HSP90AA1: variants seen among roughly 807,000 people sequenced by gnomAD.
HSP90AA1 encodes heat shock protein HSP 90-alpha.
A neutral mutation model predicts 73.3 loss-of-function variants in HSP90AA1; 18 were observed. The ratio of observed to expected loss-of-function variants is 0.25; its 90% CI spans 0.17 to 0.36. HSP90AA1 has a LOEUF of 0.36. Ranked by LOEUF, HSP90AA1 falls within the 10% of genes least tolerant of loss-of-function variation. HSP90AA1 has a pLI of 1.00. For synonymous variants in HSP90AA1, 477 were observed against 296.9 expected, an observed-to-expected ratio of 1.61 and a Z score of -6.24; for missense variants, 704 against 874.2, an observed-to-expected ratio of 0.81 and a Z score of 2.45.
exon 1 of HSP90AA1, chr14:102,139,505 A>AG: frequency 1.6e-6 from 2 of 1,278,660 alleles, no homozygotes; most frequent in Non-Finnish European, 2.1e-6. Context: ...CCCTCAGGGC[A>AG]GGGCGGGAGA....
upstream of HSP90AA1, among the ~76,000 whole-genome samples, chr14:102,090,659 G>A (rs1393937071): frequency 1.3e-5 from 2 of 152,144 alleles, no homozygotes; most frequent in East Asian, 3.8e-4. Context: ...CACCGTGTTA[G>A]CCAGGATGGT....
At chr14:102,137,939 T>A (rs7160254) in intron 1 of HSP90AA1, among the ~76,000 whole-genome samples, 261 of 151,312 alleles carry the variant, frequency 1.7e-3, no homozygotes, top group African/African-American at 6.2e-3. Context: ...CGCTTGAACC[T>A]GGGAGGCAGA....
intron 1 of HSP90AA1, among the ~76,000 whole-genome samples, chr14:102,124,340 C>T (rs567729298): frequency 4.0e-5 from 6 of 150,206 alleles, no homozygotes; most frequent in South Asian, 4.2e-4. Context: ...TACAGGTGCT[C>T]GCCACCATGC....
At position 102,084,754 on chromosome 14, in the gene HSP90AA1, T is replaced by C. The variant is rs2152611598; in HGVS notation, c.908A>G (p.Asp303Gly). Reference sequence around the variant, plus strand: ...TTCTCCGTACTCCTCATTAGTAATATCGTCGGGATTTCTGGTCCAGATGGG... The same window carrying C: ...TTCTCCGTACTCCTCATTAGTAATACCGTCGGGATTTCTGGTCCAGATGGG... ...TKPIWTRNPD[D>G]ITNEEYGEFY... is the part of the protein sequence containing the mutation. The change falls in exon 5 of 11, where the codon GAT becomes GGT. Residue 303 changes from aspartate to glycine, a missense_variant. Physicochemically the swap from Asp to Gly is moderately conservative, Grantham distance 94. Coordinates refer to ENST00000216281, the MANE Select transcript of HSP90AA1 (RefSeq NM_005348.4). The C allele has an allele frequency of 6.2e-7, 1 of 1,614,194 alleles. No homozygotes were observed. Among genetic ancestry groups the C allele is most frequent in the Non-Finnish European group, 8.5e-7 (1 of 1,180,036 alleles).
intron 1 of HSP90AA1, among the ~76,000 whole-genome samples, chr14:102,137,923 G>A (rs2050039007): frequency 6.6e-6 from 1 of 151,648 alleles, no homozygotes; most frequent in African/African-American, 2.4e-5. Flanking sequence ...GCTGAAGCAG[G>A]AGAATCGCTT....
chr14:102,107,468 G>A (rs1048675323), intron 1 of HSP90AA1, among the ~76,000 whole-genome samples: 1 of 151,938 alleles, frequency 6.6e-6, no homozygotes, highest in Admixed American at 6.6e-5. Flanking sequence ...GGGACTACAG[G>A]TGCACGCCAC....
chr14:102,083,514 A>T lies in HSP90AA1; in HGVS notation c.1486+32T>A, dbSNP rs189404188. On this transcript the variant is annotated intron_variant, in intron 8 of 10. Coordinates refer to ENST00000216281, the MANE Select transcript of HSP90AA1 (RefSeq NM_005348.4). The stretch of plus-strand genomic sequence containing the variant: ...CAGAGCCTACAAGATTGTAAGAACG[A>T]CGTGTATGACTGTAACATAGTGTTC... 4.4e-5 allele frequency: 70 copies of T among 1,605,478 alleles called. No homozygotes were observed. In the East Asian group the frequency reaches 1.4e-3, roughly 33 times the overall value.
At chr14:102,137,075 G>A (rs1186314282) in intron 1 of HSP90AA1, among the ~76,000 whole-genome samples, 4 of 151,862 alleles carry the variant, frequency 2.6e-5, no homozygotes, top group Admixed American at 1.3e-4. Context: ...TTAGCTGGGT[G>A]TGGTGGCATG....
chr14:102,090,663 G>A (rs2049345024), upstream of HSP90AA1, among the ~76,000 whole-genome samples: 1 of 152,182 alleles, frequency 6.6e-6, no homozygotes. Context: ...GTGTTAGCCA[G>A]GATGGTCTTG....
At chr14:102,113,733 C>T (rs572035237) in intron 1 of HSP90AA1, among the ~76,000 whole-genome samples, 92 of 151,632 alleles carry the variant, frequency 6.1e-4, no homozygotes, top group Middle Eastern at 3.4e-3. Context: ...TATTTTGAGA[C>T]GGAGTCTCGC....
intron 1 of HSP90AA1, among the ~76,000 whole-genome samples, chr14:102,133,698 GT>G (rs1166275568): frequency 1.3e-5 from 2 of 151,944 alleles, no homozygotes; most frequent in Non-Finnish European, 2.9e-5. Flanking sequence ...AGTCAGGCTG[GT>G]CTCGAACTCC....
rs765698481 is a variant in HSP90AA1 at position 102,082,452 on chromosome 14, CAA to C, written c.1756-10_1756-9del. On this transcript the variant is annotated splice_polypyrimidine_tract_variant and intron_variant, in intron 9 of 10. Transcript: ENST00000216281. ...TCGGTTTGACACAACCACCTGTAAT[CAA>C]AAAGTGATGACTAGGAACCTAGAAA... The C allele has an allele frequency of 4.4e-6, 7 of 1,605,282 alleles. No homozygotes were observed. The highest frequency in any genetic ancestry group is 6.0e-6 in the Non-Finnish European group (7 of 1,175,700).
intron 1 of HSP90AA1, among the ~76,000 whole-genome samples, chr14:102,125,551 G>A (rs1271379531): frequency 6.6e-6 from 1 of 152,124 alleles, no homozygotes; most frequent in Admixed American, 6.6e-5. Flanking sequence ...TTACCTGAAA[G>A]CCAAATACAT....
intron 4 of HSP90AA1, 29 bp from the exon 5 acceptor site, chr14:102,085,027 C>T: frequency 6.2e-7 from 1 of 1,613,936 alleles, no homozygotes; most frequent in Non-Finnish European, 8.5e-7. Context: ...AATCACATCA[C>T]TGCTGCACTC....
At chr14:102,135,551 G>C (rs1372663532) in intron 1 of HSP90AA1, among the ~76,000 whole-genome samples, 1 of 152,284 alleles carries the variant, frequency 6.6e-6, no homozygotes. Flanking sequence ...ACTGGGCGCC[G>C]TGGAGCAGGA....
chr14:102,131,929 T>C (rs2049911309), intron 1 of HSP90AA1, among the ~76,000 whole-genome samples: 1 of 152,304 alleles, frequency 6.6e-6, no homozygotes, highest in Admixed American at 6.5e-5. Flanking sequence ...GTAGCATATG[T>C]AGTCACTCAA....
chr14:102,085,264 CAG>C (rs776035364), intron 4 of HSP90AA1, 32 bp downstream of exon 4: 47 of 1,601,778 alleles, frequency 2.9e-5, no homozygotes, highest in Non-Finnish European at 3.8e-5. Context: ...CACCTACAGA[CAG>C]AAATTCACTC....
intron 1 of HSP90AA1, among the ~76,000 whole-genome samples, chr14:102,103,927 A>C (rs1169972288): frequency 6.6e-6 from 1 of 151,534 alleles, no homozygotes; most frequent in African/African-American, 2.4e-5. Flanking sequence ...TTACTTGAAC[A>C]TGGGAGGTGG....
At chr14:102,099,549 C>G (rs925853409) in intron 2 of HSP90AA1, among the ~76,000 whole-genome samples, 1 of 151,974 alleles carries the variant, frequency 6.6e-6, no homozygotes. Flanking sequence ...AAGAGCGGAA[C>G]TCCGTCTCAA....
Sources: allele counts gnomAD v4.1 joint callset (sites outside exome capture counted in the v4.1 genomes callset), GRCh38; gene constraint gnomAD v4.1.1; transcripts MANE v1.5; gene names NCBI Gene and HGNC (gene_info 2026-07-23, HGNC 2026-07-21).